Variants in ADIPOR2 observed in about 807,000 individuals in gnomAD.
ADIPOR2 encodes adiponectin receptor 2.
Under a neutral mutation model 40.9 loss-of-function variants are expected in ADIPOR2, and 18 were observed. The observed-to-expected ratio is 0.44, with a 90% confidence interval of 0.30 to 0.65. The LOEUF (loss-of-function observed/expected upper bound fraction) is 0.65, where lower values mean the gene tolerates loss of function less well. ADIPOR2 is among the 30% of genes least tolerant of loss of function. The probability of loss-of-function intolerance (pLI) is 0.09; values close to 1 mark genes in which losing one functional copy is unlikely to be tolerated. For synonymous variants in ADIPOR2, 165 were observed against 166.4 expected (o/e 0.99, Z 0.06); for missense variants, 283 against 479.2 (o/e 0.59, Z 3.82).
chr12:1,738,950 A>C (rs767755934), intron 1 of ADIPOR2, among the ~76,000 whole-genome samples: 5 of 152,244 alleles, frequency 3.3e-5, no homozygotes, highest in African/African-American at 7.2e-5. Context: ...TTTTCAAAGA[A>C]TAACATTTCT....
chr12:1,787,771 T>G lies in ADIPOR2; in HGVS notation c.*1699T>G, dbSNP rs1862868960. 1 of 152,238 alleles carries G rather than the reference T, an allele frequency of 6.6e-6. No individual in the cohort carries two copies. Among genetic ancestry groups the G allele is most frequent in the African/African-American group, 2.4e-5 (1 of 41,464 alleles). 9.4% of individuals were successfully genotyped at this position (152,238 alleles called of 1,614,324 possible). A position where few individuals can be genotyped will look rare whatever the true frequency, so the allele number is the denominator to read the frequency against. ...GGTCTCCTATTTATTCAATAGAGTT[T>G]TCTCAGTTATTTTCCTCCCTTGCCC... On this transcript the variant is annotated 3_prime_UTR_variant, in exon 8 of 8. Transcript: ENST00000357103.
rs1491019777 is a variant in ADIPOR2, at chr12:1,743,293, CAG to C, written c.-86-10962_-86-10961del. ...TGCCACTGCACTCCAGCCTGGGTAA[CAG>C]AGCGAGACGCTGTCTAAAAAAAAAA... On this transcript the variant is annotated intron_variant, in intron 1 of 7. Transcript: ENST00000357103. Among the ~76,000 whole-genome samples the C allele has an allele frequency of 3.7e-3, 259 of 70,114 alleles. 1 individual carries two copies. The highest frequency in any genetic ancestry group is 9.8e-3 in the African/African-American group (246 of 25,092). 46.0% of individuals were successfully genotyped at this position (70,114 alleles called of 152,430 possible).
intron 2 of ADIPOR2, among the ~76,000 whole-genome samples, chr12:1,763,873 G>A (rs1478941152): frequency 6.6e-6 from 1 of 152,170 alleles, no homozygotes; most frequent in Non-Finnish European, 1.5e-5. Context: ...CAGCTACTTG[G>A]GAGGCTGAGA....
At chr12:1,778,257 C>T (rs1473977062) in intron 4 of ADIPOR2, 3 of 416,630 alleles carry the variant, frequency 7.2e-6, no homozygotes, top group African/African-American at 4.2e-5. Context: ...CAGATCTTGT[C>T]CTCAAACCAG....
In ADIPOR2 at chr12:1,786,104, A is replaced by T; in HGVS notation, c.*32A>T. 1 of 1,602,836 alleles carries T rather than the reference A, an allele frequency of 6.2e-7. No individual in the cohort carries two copies. The highest frequency in any genetic ancestry group is 8.5e-7 in the Non-Finnish European group (1 of 1,175,310). ...CCAGTCTCCAGGGACTATGACCCTA[A>T]ACCAGGGCCTGCGGCACTTGCGGGC... is the stretch of plus-strand genomic sequence containing the variant. On this transcript the variant is annotated 3_prime_UTR_variant, in exon 8 of 8. Coordinates refer to ENST00000357103, the MANE Select transcript of ADIPOR2 (RefSeq NM_024551.3).
At chr12:1,732,332 C>T (rs1259655096) in intron 1 of ADIPOR2, among the ~76,000 whole-genome samples, 1 of 152,170 alleles carries the variant, frequency 6.6e-6, no homozygotes, top group African/African-American at 2.4e-5. Context: ...TCCCTAAATC[C>T]CTGCCAACCA....
intron 1 of ADIPOR2, among the ~76,000 whole-genome samples, chr12:1,747,521 G>A (rs1476028202): frequency 6.6e-6 from 1 of 152,062 alleles, no homozygotes; most frequent in Non-Finnish European, 1.5e-5. Context: ...TTTGTTGGGC[G>A]GTGGTGGGTG....
intron 1 of ADIPOR2, among the ~76,000 whole-genome samples, chr12:1,711,928 C>T (rs967428727): frequency 2.0e-5 from 3 of 152,116 alleles, no homozygotes; most frequent in African/African-American, 7.2e-5. Context: ...ATCATGGGCA[C>T]GAAGGATTAG....
At chr12:1,755,223 G>T (rs1862100689) in intron 2 of ADIPOR2, among the ~76,000 whole-genome samples, 1 of 151,930 alleles carries the variant, frequency 6.6e-6, no homozygotes, top group Non-Finnish European at 1.5e-5. Flanking sequence ...GGGATTACAG[G>T]CACCTGCCAC....
At position 1,784,005 on chromosome 12, in the gene ADIPOR2, A is replaced by C. The variant is rs1862779291; in HGVS notation, c.964A>C (p.Ile322Leu). ...GWLMLMASLY[I>L]TGAALYAARI... ...GTTGATGCTGATGGCCAGCCTCTAC[A>C]TCACAGGAGCTGCCCTGTATGCTGC... Residue 322 changes from isoleucine to leucine, a missense_variant, in exon 7 of 8, where the codon ATC becomes CTC. By Grantham distance (5) the Ile-to-Leu change is conservative. This residue lies in a region of ADIPOR2 where 106 missense variants were observed against 149.7 expected (regional missense o/e 0.71). Transcript: ENST00000357103. The C allele has an allele frequency of 6.2e-7, 1 of 1,613,822 alleles. No homozygotes were observed. Among genetic ancestry groups the C allele is most frequent in the Non-Finnish European group, 8.5e-7 (1 of 1,179,850 alleles).
At chr12:1,773,516 CTTTTTT>C (rs34995304) in intron 3 of ADIPOR2, among the ~76,000 whole-genome samples, 4 of 123,720 alleles carry the variant, frequency 3.2e-5, no homozygotes, top group East Asian at 2.3e-4. Context: ...TTATGGGATT[CTTTTTT>C]TTTTTTTTTT....
At chr12:1,772,780 T>C in intron 2 of ADIPOR2, 62 bp from the exon 3 acceptor site, 1 of 1,542,208 alleles carries the variant, frequency 6.5e-7, no homozygotes, top group Admixed American at 1.9e-5. Context: ...AAGGGAAATG[T>C]ATTGATTGTG....
At chr12:1,754,541 C>T in intron 2 of ADIPOR2, 27 bp downstream of exon 2, 1 of 1,567,518 alleles carries the variant, frequency 6.4e-7, no homozygotes, top group Non-Finnish European at 8.6e-7. Flanking sequence ...GAATGATAAA[C>T]AAAGGAAAAA....
At chr12:1,729,617 G>GTTTTTTTTTTTTTTTTTTTTTTTTTT in intron 1 of ADIPOR2, among the ~76,000 whole-genome samples, 1 of 88,984 alleles carries the variant, frequency 1.1e-5, no homozygotes. Flanking sequence ...TCAGCCAGTT[G>GTTTTTTTTTTTTTTTTTTTTTTTTTT]TTTTTTTTTT....
At chr12:1,784,967 T>G (rs1648224227) in intron 7 of ADIPOR2, among the ~76,000 whole-genome samples, 1 of 152,252 alleles carries the variant, frequency 6.6e-6, no homozygotes, top group Non-Finnish European at 1.5e-5. Context: ...CTTTCTAGCT[T>G]CAAATTAGCT....
chr12:1,746,024 C>T (rs2094754228), intron 1 of ADIPOR2, among the ~76,000 whole-genome samples: 2 of 152,090 alleles, frequency 1.3e-5, no homozygotes, highest in African/African-American at 4.8e-5. Flanking sequence ...TTTTCACTTA[C>T]CCAGTTTCCT....
intron 1 of ADIPOR2, among the ~76,000 whole-genome samples, chr12:1,728,448 C>T (rs903398903): frequency 6.6e-6 from 1 of 151,642 alleles, no homozygotes; most frequent in Non-Finnish European, 1.5e-5. Context: ...CACGGCTGGG[C>T]GCAGTGGCTC....
chr12:1,724,227 T>C (rs2094703438), intron 1 of ADIPOR2, among the ~76,000 whole-genome samples: 1 of 152,132 alleles, frequency 6.6e-6, no homozygotes. Context: ...GTGATCCACC[T>C]GCCTTGGCCT....
At chr12:1,781,120 C>T (rs1339727077) in intron 6 of ADIPOR2, 44 bp downstream of exon 6, 3 of 1,482,536 alleles carry the variant, frequency 2.0e-6, no homozygotes, top group Non-Finnish European at 2.7e-6. Context: ...CATTTATTCA[C>T]TAGTTAAATT....
Sources: gnomAD v4.1 joint callset for allele counts (sites outside exome capture counted in the v4.1 genomes callset) on GRCh38, gnomAD v4.1.1 for gene constraint, gnomAD v4.1.1 regional missense constraint, MANE v1.5 for transcripts, NCBI Gene and HGNC (gene_info 2026-07-23, HGNC 2026-07-21) for gene names.